DPEP1: variants seen among roughly 807,000 people sequenced by gnomAD.
DPEP1 encodes dipeptidase 1.
DPEP1 carries 50 observed loss-of-function variants against 42.3 expected under a neutral mutation model. That is an observed-to-expected ratio of 1.18 (90% confidence interval 0.94 to 1.50). The LOEUF (loss-of-function observed/expected upper bound fraction) is 1.50, where lower values mean the gene tolerates loss of function less well. Ranked by LOEUF, DPEP1 falls within the 40% of genes most tolerant of loss-of-function variation. DPEP1 has a pLI of 0.00. For missense variants in DPEP1, 663 were observed against 553.0 expected (o/e 1.20, Z -1.99); for synonymous variants, 297 against 234.0 (o/e 1.27, Z -2.46).
At chr16:89,637,144 T>C (rs2059691963) in intron 6 of DPEP1, 60 bp from the exon 7 acceptor site, 3 of 1,574,586 alleles carry the variant, frequency 1.9e-6, no homozygotes, top group Non-Finnish European at 2.6e-6. Flanking sequence ...GTCCAGCCCG[T>C]CCACCTCCGC....
Position 89,625,995 on chromosome 16 carries a change from C to T in DPEP1, c.-106-4310C>T, listed in dbSNP as rs577100642. Among the ~76,000 whole-genome samples, 7 of 152,302 alleles carry T rather than the reference C, an allele frequency of 4.6e-5. No homozygotes were observed. The East Asian group carries it at 7.7e-4, about 17-fold the overall frequency. Reference sequence around the variant, plus strand: ...AGTCCGTGGCTTTGAGCCTCAGAAACGGTGCAAAATGCAGTCCACGCGTGG... The same window carrying T: ...AGTCCGTGGCTTTGAGCCTCAGAAATGGTGCAAAATGCAGTCCACGCGTGG... On this transcript the variant is annotated intron_variant, in intron 1 of 10. Transcript: ENST00000690203.
intron 1 of DPEP1, among the ~76,000 whole-genome samples, chr16:89,625,105 C>G (rs2059491309): frequency 6.6e-6 from 1 of 152,108 alleles, no homozygotes; most frequent in Admixed American, 6.6e-5. Context: ...GGTTCCCTGC[C>G]CCAGACCTTG....
Position 89,637,695 on chromosome 16 carries a change from A to C in DPEP1, c.917A>C (p.Asp306Ala). ...GCCGTGGGTTTTGGTGGGGACTTTG[A>C]TGGTGTTCCAAGGTAAGGGGCTGAG... is the stretch of plus-strand genomic sequence containing the variant. ...ARAVGFGGDF[D>A]GVPRVPEGLE... is the part of the protein sequence containing the mutation. The change falls in exon 9 of 11, where the codon GAT becomes GCT. Residue 306 changes from aspartate to alanine, a missense_variant. Transcript: ENST00000690203. 6.2e-7 allele frequency: 1 copy of C among 1,613,006 alleles called. No homozygotes were observed. The highest frequency in any genetic ancestry group is 1.3e-5 in the African/African-American group (1 of 75,016).
chr16:89,622,986 T>C (rs1198790175), intron 1 of DPEP1, among the ~76,000 whole-genome samples: 4 of 151,840 alleles, frequency 2.6e-5, no homozygotes, highest in African/African-American at 9.7e-5. Flanking sequence ...GCAGGCACGA[T>C]GGGCCGGGAG....
Position 89,628,253 on chromosome 16 carries a change from TTTC to T in DPEP1, c.-106-2049_-106-2047del, listed in dbSNP as rs1432327097. 1.9e-4 allele frequency among the ~76,000 whole-genome samples: 8 copies of T among 43,240 alleles called. 1 individual carries two copies. The highest frequency in any genetic ancestry group is 1.9e-4 in the Admixed American group (1 of 5,202). 28.4% of individuals were successfully genotyped at this position (43,240 alleles called of 152,430 possible). On this transcript the variant is annotated intron_variant, in intron 1 of 10. Coordinates refer to ENST00000690203, the MANE Select transcript of DPEP1 (RefSeq NM_001389466.1). ...GGTATTTCTTTCTTTCTTTCTTTTC[TTTC>T]TTTTTTTTTTTTTTTTGTGAGATAG...
chr16:89,620,548 C>T (rs1423733311), intron 1 of DPEP1: 1 of 152,292 alleles, frequency 6.6e-6, no homozygotes, highest in Admixed American at 6.5e-5. Context: ...TCTTCGGAAA[C>T]AAGAACCAGC....
rs537867135 is a variant in DPEP1 at position 89,631,130 on chromosome 16, C to T, written c.104+616C>T. Among the ~76,000 whole-genome samples the T allele has an allele frequency of 1.4e-4, 21 of 152,218 alleles. No individual in the cohort carries two copies. The East Asian group carries it at 3.3e-3, about 24-fold the overall frequency. ...GTGGCACCCTACAGGCCCTCTCAGC[C>T]GGCATCTTTTTGGCTCTCTTCCCAC... On this transcript the variant is annotated intron_variant, in intron 2 of 10. Transcript: ENST00000690203.
intron 2 of DPEP1, among the ~76,000 whole-genome samples, chr16:89,634,565 T>C (rs1290335818): frequency 6.4e-5 from 5 of 77,982 alleles, no homozygotes; most frequent in Non-Finnish European, 9.1e-5. Context: ...CTCCTTTCCC[T>C]TCCTTCTCCT....
At chr16:89,616,517 C>A (rs1440204000) in intron 1 of DPEP1, among the ~76,000 whole-genome samples, 1 of 152,128 alleles carries the variant, frequency 6.6e-6, no homozygotes, top group Non-Finnish European at 1.5e-5. Flanking sequence ...CGTGTATGGC[C>A]GACCTCGAGG....
intron 1 of DPEP1, among the ~76,000 whole-genome samples, 179 bp downstream of exon 1, chr16:89,613,898 G>A (rs1011504013): frequency 1.3e-5 from 2 of 150,452 alleles, no homozygotes; most frequent in Non-Finnish European, 3.0e-5. Context: ...GGCAGGGGAC[G>A]GGGCGGCTTC....
At chr16:89,622,218 G>A (rs1173615071) in intron 1 of DPEP1, among the ~76,000 whole-genome samples, 5 of 152,150 alleles carry the variant, frequency 3.3e-5, no homozygotes, top group African/African-American at 1.2e-4. Context: ...AACTTTCGGG[G>A]CCAGGACTAC....
chr16:89,626,061 C>G (rs1211754570), intron 1 of DPEP1, among the ~76,000 whole-genome samples: 2 of 152,206 alleles, frequency 1.3e-5, no homozygotes, highest in African/African-American at 4.8e-5. Context: ...ATGTGCCTCC[C>G]TCTACCTGCC....
chr16:89,640,709 G>A (rs2059737043), downstream of DPEP1: 2 of 884,346 alleles, frequency 2.3e-6, no homozygotes, highest in Non-Finnish European at 2.7e-6. Flanking sequence ...TGGGCTGCAA[G>A]GGTATTAGGC....
intron 1 of DPEP1, among the ~76,000 whole-genome samples, chr16:89,629,101 A>G (rs918969192): frequency 2.6e-5 from 4 of 152,214 alleles, no homozygotes; most frequent in Admixed American, 1.3e-4. Flanking sequence ...TGCTGGGATT[A>G]TAGGCGTGAA....
chr16:89,614,561 G>A (rs553243278), intron 1 of DPEP1, among the ~76,000 whole-genome samples: 5 of 152,202 alleles, frequency 3.3e-5, no homozygotes, highest in Admixed American at 1.3e-4. Flanking sequence ...GTGGGAGGCC[G>A]AGGTGGGCAG....
At chr16:89,625,480 A>C (rs373169897) in intron 1 of DPEP1, among the ~76,000 whole-genome samples, 1 of 152,194 alleles carries the variant, frequency 6.6e-6, no homozygotes, top group Non-Finnish European at 1.5e-5. Context: ...TGAGATCTGG[A>C]CAAACATTCA....
intron 1 of DPEP1, among the ~76,000 whole-genome samples, chr16:89,623,231 G>A (rs939524982): frequency 8.5e-5 from 13 of 152,122 alleles, no homozygotes; most frequent in African/African-American, 3.1e-4. Context: ...GAGGTGGGAG[G>A]ATCGCTTGAG....
At position 89,637,548 on chromosome 16, in the gene DPEP1, G is replaced by A; in HGVS notation, c.849G>A (p.Val283=). ...SCTNKANLSQ[V]ADHLDHIKEV... ...CCAACAAGGCCAACCTGTCCCAAGT[G>A]GCCGGTAGGTGGGGTGTGAGCGGCC... Residue 283 remains valine, a synonymous_variant, in exon 8 of 11, where the codon GTG becomes GTA. Transcript: ENST00000690203. 1.2e-6 allele frequency: 2 copies of A among 1,612,752 alleles called. No homozygotes were observed. The highest frequency in any genetic ancestry group is 1.7e-6 in the Non-Finnish European group (2 of 1,179,958).
chr16:89,621,210 G>A (rs528487840), intron 1 of DPEP1, among the ~76,000 whole-genome samples: 1 of 152,096 alleles, frequency 6.6e-6, no homozygotes, highest in East Asian at 1.9e-4. Flanking sequence ...TCCCTGAGAA[G>A]TGCTTCACTG....
Sources: allele counts gnomAD v4.1 joint callset (sites outside exome capture counted in the v4.1 genomes callset), GRCh38; gene constraint gnomAD v4.1.1; transcripts MANE v1.5; gene names NCBI Gene and HGNC (gene_info 2026-07-23, HGNC 2026-07-21).